LARP1: variants seen among roughly 807,000 people sequenced by gnomAD.
LARP1 encodes La ribonucleoprotein 1, translational regulator.
Under a neutral mutation model 122.7 loss-of-function variants are expected in LARP1, and 36 were observed. That is an observed-to-expected ratio of 0.29 (90% CI 0.22 to 0.39). The LOEUF is 0.39. Ranked by LOEUF, LARP1 falls within the 10% of genes least tolerant of loss-of-function variation. The pLI, the probability that LARP1 is intolerant of heterozygous loss-of-function variation, is 1.00. For synonymous variants in LARP1, 539 were observed against 528.7 expected, an observed-to-expected ratio of 1.02 and a Z score of -0.27; for missense variants, 1,040 against 1,403.6, an observed-to-expected ratio of 0.74 and a Z score of 4.14.
chr5:154,728,136 T>C (rs1033193617), intron 1 of LARP1, among the ~76,000 whole-genome samples: 1 of 152,168 alleles, frequency 6.6e-6, no homozygotes, highest in African/African-American at 2.4e-5. Flanking sequence ...AATATAAGTA[T>C]GAATCACTTG....
At chr5:154,714,229 G>C (rs1211566803) in intron 1 of LARP1, among the ~76,000 whole-genome samples, 2 of 152,158 alleles carry the variant, frequency 1.3e-5, no homozygotes, top group South Asian at 2.1e-4. Flanking sequence ...ATGAGGTAAG[G>C]TAATGAATGT....
intron 1 of LARP1, among the ~76,000 whole-genome samples, chr5:154,736,804 G>A (rs1756930024): frequency 2.0e-5 from 3 of 150,500 alleles, no homozygotes; most frequent in Admixed American, 1.3e-4. Context: ...GTCCTCATGT[G>A]ATCAGCCCGC....
upstream of LARP1, among the ~76,000 whole-genome samples, chr5:154,753,577 G>T (rs557078481): frequency 1.3e-5 from 2 of 152,166 alleles, no homozygotes; most frequent in Non-Finnish European, 2.9e-5. Flanking sequence ...CTCTTTTGAC[G>T]TACTGGCTTG....
chr5:154,794,043 C>T (rs1263606859), intron 6 of LARP1, 43 bp downstream of exon 6: 4 of 1,610,336 alleles, frequency 2.5e-6, no homozygotes, highest in East Asian at 2.2e-5. Flanking sequence ...CAAGGGTGTG[C>T]AGCAGGGGTG....
At chr5:154,796,654 TG>T (rs1266222847) in intron 8 of LARP1, among the ~76,000 whole-genome samples, 1 of 152,206 alleles carries the variant, frequency 6.6e-6, no homozygotes, top group Non-Finnish European at 1.5e-5. Flanking sequence ...GTCTCTCTTG[TG>T]CTATAAGCTG....
Position 154,792,638 on chromosome 5 carries a change from C to T in LARP1, c.581C>T (p.Pro194Leu), listed in dbSNP as rs140737369. The T allele has an allele frequency of 2.7e-4, 442 of 1,613,976 alleles. 1 individual carries two copies. The highest frequency in any genetic ancestry group is 1.8e-4 in the Non-Finnish European group (216 of 1,179,990). ...CTGCTATAGCCACAGTCCCACAAGC[C>T]TCAGCCTACCCGTAAACTGCCACCC... ...HKSVQPQSHK[P>L]QPTRKLPPKK... is the part of the protein sequence containing the mutation. Residue 194 changes from proline (P) to leucine (L), a missense_variant, in exon 4 of 19, where the codon CCT (proline) becomes CTT (leucine). Physicochemically the swap from Pro to Leu is moderately conservative, Grantham distance 98. Around this residue, in one of 8 missense-constraint regions of LARP1, gnomAD observed 257 missense variants for 273.3 expected, o/e 0.94. Transcript: ENST00000518297.
Position 154,698,179 on chromosome 5 carries a change from T to G in LARP1, c.-180+15142T>G, listed in dbSNP as rs35950288. ...ATTTTTATGGTAAACAGCGTGATAT[T>G]TCAATACATATATACAATGTGTAAT... On this transcript the variant is annotated intron_variant, in intron 1 of 18. Coordinates refer to the LARP1 transcript ENST00000687700. 8.6e-4 allele frequency among the ~76,000 whole-genome samples: 131 copies of G among 152,364 alleles called. 2 individuals are homozygous for G. The East Asian group carries it at 0.024, about 28-fold the overall frequency.
intron 1 of LARP1, among the ~76,000 whole-genome samples, chr5:154,725,432 TC>T (rs1401839505): frequency 6.7e-6 from 1 of 149,006 alleles, no homozygotes; most frequent in Non-Finnish European, 1.5e-5. Flanking sequence ...CATCTGTAGT[TC>T]CAGCTACTTG....
At chr5:154,801,889 G>T in intron 10 of LARP1, 118 bp from the exon 11 acceptor site, 3 of 910,676 alleles carry the variant, frequency 3.3e-6, no homozygotes, top group East Asian at 2.5e-5. Context: ...GTGTTACCAG[G>T]GTCATAGTTG....
At chr5:154,740,067 A>G (rs1017390896) in intron 1 of LARP1, among the ~76,000 whole-genome samples, 91 of 149,984 alleles carry the variant, frequency 6.1e-4, no homozygotes, top group Non-Finnish European at 1.1e-3. Context: ...CCCAAGAAAA[A>G]ACACACCACA....
Position 154,793,670 on chromosome 5 carries a change from C to G in LARP1, c.815C>G (p.Pro272Arg). 1 of 1,614,072 alleles carries G rather than the reference C, an allele frequency of 6.2e-7. No individual in the cohort carries two copies. Among genetic ancestry groups the G allele is most frequent in the Non-Finnish European group, 8.5e-7 (1 of 1,180,010 alleles). The change falls in exon 5 of 19, where the codon CCC becomes CGC. Residue 272 changes from proline (P) to arginine (R), a missense_variant. By Grantham distance (103) the Pro-to-Arg change is moderately radical (BLOSUM62 -2). Transcript: ENST00000518297. ...CCCAGAGAGAAACTGGCTTCACGCC[C>G]CACTCGCCCACCGGAGCCTAGACAC... ...EVPREKLASRPTRPPEPRHIP... is the reference protein window; with the variant it reads ...EVPREKLASRRTRPPEPRHIP...
In LARP1 at chr5:154,755,750, G is replaced by A. The variant is rs1753814082; in HGVS notation, c.-8G>A. ...GCGCCCGGCTTCTCCGGGGGGGCGG[G>A]CGCGCAGATGGCCACTCAGGTGGAG... On this transcript the variant is annotated 5_prime_UTR_variant, in exon 1 of 19. Coordinates refer to ENST00000518297, the MANE Select transcript of LARP1 (RefSeq NM_033551.3). The A allele has an allele frequency of 1.0e-6, 1 of 987,430 alleles. No individual in the cohort carries two copies. The highest frequency in any genetic ancestry group is 1.2e-6 in the Non-Finnish European group (1 of 830,460). The allele number at this position is 987,430 out of a possible 1,614,324, so 61.2% of individuals were successfully genotyped here.
At chr5:154,741,254 T>G (rs1752868633) in intron 1 of LARP1, among the ~76,000 whole-genome samples, 1 of 152,218 alleles carries the variant, frequency 6.6e-6, no homozygotes, top group African/African-American at 2.4e-5. Context: ...AACACCTCTT[T>G]TAAATGCTTC....
chr5:154,715,453 G>C (rs1755445822), intron 1 of LARP1, among the ~76,000 whole-genome samples: 4 of 151,828 alleles, frequency 2.6e-5, no homozygotes. Context: ...TAGTAGGTCA[G>C]GCTGCTCTTG....
chr5:154,774,039 G>T (rs538848080), intron 1 of LARP1, among the ~76,000 whole-genome samples: 1 of 150,968 alleles, frequency 6.6e-6, no homozygotes, highest in Non-Finnish European at 1.5e-5. Flanking sequence ...ATTTGTAGAA[G>T]CCTGGCTTCA....
intron 1 of LARP1, among the ~76,000 whole-genome samples, chr5:154,717,296 G>A (rs997104448): frequency 4.6e-5 from 7 of 152,006 alleles, no homozygotes; most frequent in African/African-American, 1.7e-4. Flanking sequence ...TTTCTCATTT[G>A]TGATGCCAGC....
At chr5:154,810,505 T>G (rs1759177425) in intron 16 of LARP1, among the ~76,000 whole-genome samples, 1 of 152,000 alleles carries the variant, frequency 6.6e-6, no homozygotes, top group Non-Finnish European at 1.5e-5. Context: ...TATTTTATTT[T>G]GGAGACGAGT....
At chr5:154,769,833 G>T (rs1290740630) in intron 1 of LARP1, among the ~76,000 whole-genome samples, 1 of 152,180 alleles carries the variant, frequency 6.6e-6, no homozygotes, top group African/African-American at 2.4e-5. Context: ...AAAGTGTTGG[G>T]GAGTGCCTCT....
At chr5:154,771,116 G>GAAAAA (rs572179099) in intron 1 of LARP1, among the ~76,000 whole-genome samples, 1 of 108,028 alleles carries the variant, frequency 9.3e-6, no homozygotes, top group African/African-American at 3.2e-5. Flanking sequence ...TGTCTCAAAA[G>GAAAAA]AAAAAAAAAA....
Sources: allele counts gnomAD v4.1 joint callset (sites outside exome capture counted in the v4.1 genomes callset), GRCh38; gene constraint gnomAD v4.1.1; regional missense constraint gnomAD v4.1.1; transcripts MANE v1.5; gene names NCBI Gene and HGNC (gene_info 2026-07-23, HGNC 2026-07-21).